The following GREB1 variants were observed in gnomAD, a reference collection of about 807,000 sequenced individuals.
GREB1 encodes growth regulating estrogen receptor binding 1.
In GREB1, 106 loss-of-function variants were observed where a neutral mutation model predicts 200.7. The ratio of observed to expected loss-of-function variants is 0.53; its 90% CI spans 0.45 to 0.62. GREB1 has a LOEUF of 0.62. Ranked by LOEUF, GREB1 falls within the 20% of genes least tolerant of loss-of-function variation. GREB1 has a pLI of 0.00. For synonymous variants in GREB1, 1,132 were observed against 1,092.4 expected (o/e 1.04, Z -0.72); for missense variants, 2,243 against 2,556.8 (o/e 0.88, Z 2.65).
chr2:11,538,445 C>G (rs1476372665), intron 1 of GREB1, among the ~76,000 whole-genome samples: 2 of 152,226 alleles, frequency 1.3e-5, no homozygotes, highest in African/African-American at 4.8e-5. Context: ...AGTTAGTGAT[C>G]CTAGCAAGAA....
chr2:11,495,795 C>CTTTTTT (rs1393933225), intron 1 of GREB1, among the ~76,000 whole-genome samples: 109 of 140,520 alleles, frequency 7.8e-4, no homozygotes, highest in African/African-American at 2.8e-3. Flanking sequence ...TAAGTCCCCC[C>CTTTTTT]GTTTTTTTTT....
At chr2:11,547,394 T>C (rs1259473823) in intron 1 of GREB1, among the ~76,000 whole-genome samples, 1 of 152,184 alleles carries the variant, frequency 6.6e-6, no homozygotes, top group Non-Finnish European at 1.5e-5. Flanking sequence ...GGGATAAAAG[T>C]AGGGAGAGAA....
intron 23 of GREB1, among the ~76,000 whole-genome samples, chr2:11,623,412 C>G (rs1684167255): frequency 6.6e-6 from 1 of 152,188 alleles, no homozygotes; most frequent in Non-Finnish European, 1.5e-5. Context: ...CGGGCAGGTC[C>G]TTCAGGAGAT....
upstream of GREB1, among the ~76,000 whole-genome samples, chr2:11,531,463 G>T (rs1048660314): frequency 2.0e-5 from 3 of 151,944 alleles, no homozygotes; most frequent in Admixed American, 6.6e-5. Flanking sequence ...AAAAATGCAT[G>T]TGATCATTTG....
Position 11,618,998 on chromosome 2 carries a change from G to A in GREB1, c.4044+79G>A, listed in dbSNP as rs1020595120. 1.3e-5 allele frequency: 17 copies of A among 1,292,864 alleles called. No homozygotes were observed. The Admixed American group carries it at 2.9e-4, about 22-fold the overall frequency. 80.1% of individuals were successfully genotyped at this position (1,292,864 alleles called of 1,614,324 possible). A position where few individuals can be genotyped will look rare whatever the true frequency, so the allele number is the denominator to read the frequency against. On this transcript the variant is annotated intron_variant, in intron 22 of 32. Transcript: ENST00000381486. The stretch of plus-strand genomic sequence containing the variant: ...TCCCATCTGGAGGGCAGGCCTGGGG[G>A]TGACCGCACCCACGTCTTCACTTTT...
intron 1 of GREB1, chr2:11,540,463 A>G (rs1422227976): frequency 1.3e-5 from 2 of 152,782 alleles, no homozygotes; most frequent in South Asian, 2.1e-4. Context: ...CTTCTCTTCC[A>G]TTCAGTTCTT....
At chr2:11,611,931 C>T (rs1379294548) in intron 18 of GREB1, among the ~76,000 whole-genome samples, 1 of 152,162 alleles carries the variant, frequency 6.6e-6, no homozygotes, top group African/African-American at 2.4e-5. Flanking sequence ...CGGTGGCTTA[C>T]ACCTGTAATC....
At position 11,597,984 on chromosome 2, in the gene GREB1, G is replaced by C. The variant is rs759585740; in HGVS notation, c.2152+6G>C. ...GCTCCATGTGTGGCATTCAGGTATG[G>C]GGCATTTTGGGGAGAAGTCACGTGT... On this transcript the variant is annotated splice_donor_region_variant and intron_variant, in intron 14 of 32. Coordinates refer to ENST00000381486, the MANE Select transcript of GREB1 (RefSeq NM_014668.4). This position sits in a 1 kb window ranked among gnomAD's most constrained non-coding sequence, Gnocchi z 4.1. 1.9e-6 allele frequency: 3 copies of C among 1,605,874 alleles called. No homozygotes were observed. Among genetic ancestry groups the C allele is most frequent in the Non-Finnish European group, 2.6e-6 (3 of 1,172,684 alleles).
At chr2:11,625,412 G>A (rs1037585454) in intron 24 of GREB1, 100 bp downstream of exon 24, 155 of 1,147,396 alleles carry the variant, frequency 1.4e-4, no homozygotes, top group Admixed American at 1.1e-3. Flanking sequence ...AGGTGGTGAT[G>A]AATTAACCTG....
At chr2:11,537,734 T>C (rs558288822) in intron 1 of GREB1, among the ~76,000 whole-genome samples, 1 of 147,594 alleles carries the variant, frequency 6.8e-6, no homozygotes, top group Non-Finnish European at 1.5e-5. Flanking sequence ...TTATATAATA[T>C]ATAATAATAT....
At chr2:11,574,400 C>T (rs1436651485) in intron 4 of GREB1, among the ~76,000 whole-genome samples, 2 of 152,178 alleles carry the variant, frequency 1.3e-5, no homozygotes, top group African/African-American at 4.8e-5. Flanking sequence ...ACAGAAGGCT[C>T]TTGGGAATAG....
chr2:11,561,235 G>C (rs1294135987), intron 2 of GREB1: 1 of 151,956 alleles, frequency 6.6e-6, no homozygotes, highest in Non-Finnish European at 1.5e-5. Flanking sequence ...TGTAGTATCT[G>C]TTCTTATCAG....
chr2:11,605,414 C>T (rs777655481), intron 17 of GREB1, among the ~76,000 whole-genome samples: 9 of 151,696 alleles, frequency 5.9e-5, no homozygotes, highest in South Asian at 2.1e-4. Flanking sequence ...TTAGTAGAGA[C>T]GGGGTTTCAC....
intron 1 of GREB1, among the ~76,000 whole-genome samples, chr2:11,511,875 C>G (rs1195513719): frequency 1.3e-5 from 2 of 152,160 alleles, no homozygotes; most frequent in Admixed American, 1.3e-4. Flanking sequence ...CCTCGGATGC[C>G]TGGCCCAGCG....
chr2:11,522,611 C>T (rs902808898), intron 1 of GREB1, among the ~76,000 whole-genome samples: 8 of 152,096 alleles, frequency 5.3e-5, no homozygotes, highest in South Asian at 2.1e-4. Flanking sequence ...TTCTTACACC[C>T]GTGGCAGGTG....
intron 32 of GREB1, among the ~76,000 whole-genome samples, chr2:11,639,807 A>G (rs1296245162): frequency 1.3e-5 from 2 of 152,148 alleles, no homozygotes; most frequent in Admixed American, 1.3e-4. Flanking sequence ...AGAGAGGGAC[A>G]GTGTGGAGGA....
intron 1 of GREB1, among the ~76,000 whole-genome samples, chr2:11,528,187 A>T (rs1399745935): frequency 6.6e-6 from 1 of 152,240 alleles, no homozygotes; most frequent in Non-Finnish European, 1.5e-5. Flanking sequence ...TGAGGAACAG[A>T]TCACAAAAAT....
intron 2 of GREB1, among the ~76,000 whole-genome samples, chr2:11,560,985 T>C (rs1381693619): frequency 6.6e-6 from 1 of 152,166 alleles, no homozygotes; most frequent in Non-Finnish European, 1.5e-5. Flanking sequence ...ACAGTCATAA[T>C]TAGCTTCCTT....
intron 1 of GREB1, among the ~76,000 whole-genome samples, chr2:11,549,875 G>A (rs771768345): frequency 1.3e-5 from 2 of 152,130 alleles, no homozygotes; most frequent in African/African-American, 4.8e-5. Context: ...CAAAAGCCTT[G>A]TGATGCTGAT....
Sources: gnomAD v4.1 joint callset for allele counts (sites outside exome capture counted in the v4.1 genomes callset) on GRCh38, gnomAD v4.1.1 for gene constraint, Gnocchi (gnomAD v3.1) non-coding constraint, MANE v1.5 for transcripts, NCBI Gene and HGNC (gene_info 2026-07-23, HGNC 2026-07-21) for gene names.